The following ZNF263 variants were observed in gnomAD, a reference collection of about 807,000 sequenced individuals.
ZNF263 encodes zinc finger protein FPM315.
A neutral mutation model predicts 63.1 loss-of-function variants in ZNF263; 49 were observed. That is an observed-to-expected ratio of 0.78 (90% CI 0.62 to 0.99). ZNF263 has a LOEUF of 0.99. ZNF263 is among the 50% of genes least tolerant of loss of function. The pLI is 0.00. For missense variants in ZNF263, 872 were observed against 854.8 expected, an observed-to-expected ratio of 1.02 and a Z score of -0.25; for synonymous variants, 352 against 324.2, an observed-to-expected ratio of 1.09 and a Z score of -0.92.
downstream of ZNF263, among the ~76,000 whole-genome samples, chr16:3,292,034 A>G (rs746784199): frequency 3.3e-5 from 5 of 152,262 alleles, no homozygotes; most frequent in Middle Eastern, 6.8e-3. Flanking sequence ...TGGCCTCTCA[A>G]AGTGCTGGGA....
chr16:3,292,538 G>A (rs1959639720), downstream of ZNF263, among the ~76,000 whole-genome samples: 1 of 152,180 alleles, frequency 6.6e-6, no homozygotes, highest in South Asian at 2.1e-4. Flanking sequence ...GGCTGCTGAT[G>A]TCATGAATTG....
chr16:3,300,497 A>T, intron 2 of ZNF263: 1 of 1,614,012 alleles, frequency 6.2e-7, no homozygotes, highest in East Asian at 2.2e-5. Flanking sequence ...TAAAATGTTG[A>T]CTTACTGATT....
intron 4 of ZNF263, among the ~76,000 whole-genome samples, chr16:3,287,204 G>A (rs1000455546): frequency 1.3e-5 from 2 of 152,088 alleles, no homozygotes; most frequent in African/African-American, 4.8e-5. Flanking sequence ...TCTGCCTCCC[G>A]GGTTCAAGTG....
Position 3,283,959 on chromosome 16 carries a change from C to T in ZNF263, c.141C>T (p.Phe47=), listed in dbSNP as rs780130191. The part of the protein sequence containing the change: ...PEASHLRFRR[F]RFQEAAGPRE... ...CCTCCCACTTGCGCTTCAGACGGTT[C>T]CGCTTCCAAGAGGCAGCTGGTCCCC... The change falls in exon 1 of 6, where the codon TTC becomes TTT. Residue 47 remains phenylalanine (F), a synonymous_variant. Coordinates refer to ENST00000219069, the MANE Select transcript of ZNF263 (RefSeq NM_005741.5). The T allele has an allele frequency of 6.8e-6, 11 of 1,613,952 alleles. No individual in the cohort carries two copies. The highest frequency in any genetic ancestry group is 1.1e-5 in the South Asian group (1 of 91,080).
downstream of ZNF263, among the ~76,000 whole-genome samples, chr16:3,293,927 T>TTTG (rs1711786678): frequency 6.6e-6 from 1 of 152,202 alleles, no homozygotes; most frequent in Admixed American, 6.5e-5. Flanking sequence ...TCAGCACTTT[T>TTTG]TTGTTTTGTT....
chr16:3,283,576 G>C lies in ZNF263; in HGVS notation c.-243G>C. ...ATATAGGGTGAGAAGCGTGGCGCTC[G>C]GTTCCTGCCTCGGGGAAGTCCTGGC... On this transcript the variant is annotated 5_prime_UTR_variant, in exon 1 of 6. Coordinates refer to ENST00000219069, the MANE Select transcript of ZNF263 (RefSeq NM_005741.5). The C allele has an allele frequency of 2.4e-6, 1 of 417,796 alleles. No homozygotes were observed. Among genetic ancestry groups the C allele is most frequent in the East Asian group, 4.0e-5 (1 of 25,050 alleles). The allele number at this position is 417,796 out of a possible 1,614,324, so 25.9% of individuals were successfully genotyped here.
intron 1 of ZNF263, among the ~76,000 whole-genome samples, 193 bp from the exon 2 acceptor site, chr16:3,284,866 G>A (rs553588598): frequency 4.3e-4 from 65 of 152,286 alleles, no homozygotes; most frequent in African/African-American, 1.5e-3. Context: ...TGCTCTGGGA[G>A]TGGGCCCTTT....
In ZNF263 at chr16:3,299,558, T is replaced by G. The variant is rs767480871; in HGVS notation, c.*46+402T>G. The G allele has an allele frequency of 1.4e-5, 21 of 1,532,646 alleles. 1 individual carries two copies. The South Asian group carries it at 2.6e-4, about 19-fold the overall frequency. The allele number at this position is 1,532,646 out of a possible 1,614,324, so 94.9% of individuals were successfully genotyped here. On this transcript the variant is annotated intron_variant, in intron 2 of 2. Coordinates refer to the ZNF263 transcript ENST00000574674. ...TGCTCATCATCACTTTCTTCAAATA[T>G]TACAAGACTCTCTTCAAGTTGCTTC...
In ZNF263 at chr16:3,290,061, A is replaced by C; in HGVS notation, c.1555A>C (p.Lys519Gln). 1 of 1,614,034 alleles carries C rather than the reference A, an allele frequency of 6.2e-7. No individual in the cohort carries two copies. The highest frequency in any genetic ancestry group is 8.5e-7 in the Non-Finnish European group (1 of 1,179,996). Residue 519 changes from lysine (K) to glutamine (Q), a missense_variant, in exon 6 of 6, where the codon AAG becomes CAG. Physicochemically the swap from Lys to Gln is moderately conservative, Grantham distance 53 (BLOSUM62 1). Transcript: ENST00000219069. ...AATTCACACTGGAGAGCGACCTTAT[A>C]AGTGTCCCGAGTGTGGGAAAAGTTT... ...QRIHTGERPY[K>Q]CPECGKSFSR...
At position 3,290,152 on chromosome 16, in the gene ZNF263, C is replaced by T. The variant is rs748715975; in HGVS notation, c.1646C>T (p.Ser549Phe). 1.2e-6 allele frequency: 2 copies of T among 1,614,178 alleles called. No homozygotes were observed. Among genetic ancestry groups the T allele is most frequent in the Admixed American group, 1.7e-5 (1 of 60,024 alleles). ...THERERLYPF[S>F]ECGEAVSDST... ...GAGAGAGAGAGACTTTACCCCTTCT[C>T]TGAGTGTGGGGAAGCTGTGAGTGAC... Residue 549 changes from serine to phenylalanine, a missense_variant, in exon 6 of 6, where the codon TCT (serine) becomes TTT (phenylalanine). By Grantham distance (155) the Ser-to-Phe change is radical. Coordinates refer to ENST00000219069, the MANE Select transcript of ZNF263 (RefSeq NM_005741.5).
At chr16:3,288,993 A>G (rs1959492412) in intron 5 of ZNF263, among the ~76,000 whole-genome samples, 1 of 152,060 alleles carries the variant, frequency 6.6e-6, no homozygotes, top group Non-Finnish European at 1.5e-5. Flanking sequence ...CACAGCTGCT[A>G]GAGAGGTACA....
rs992403260 is a variant in ZNF263 at position 3,290,792 on chromosome 16, C to T, written c.*234C>T. The stretch of plus-strand genomic sequence containing the variant: ...TGAGGTGACCTCAGGGTGGAATTCT[C>T]TGTTAAGTCCACCCTGCCCCAGGGT... On this transcript the variant is annotated 3_prime_UTR_variant, in exon 6 of 6. Coordinates refer to ENST00000219069, the MANE Select transcript of ZNF263 (RefSeq NM_005741.5). 1 of 1,321,208 alleles carries T rather than the reference C, an allele frequency of 7.6e-7. No homozygotes were observed. The highest frequency in any genetic ancestry group is 3.0e-5 in the East Asian group (1 of 33,212). 81.8% of individuals were successfully genotyped at this position (1,321,208 alleles called of 1,614,324 possible). A position where few individuals can be genotyped will look rare whatever the true frequency, so the allele number is the denominator to read the frequency against.
chr16:3,290,530 T>C lies in ZNF263; in HGVS notation c.2024T>C (p.Met675Thr), dbSNP rs909727853. 4.3e-6 allele frequency: 7 copies of C among 1,613,064 alleles called. No individual in the cohort carries two copies. The African/African-American group carries it at 5.3e-5, about 12-fold the overall frequency. The change falls in exon 6 of 6, where the codon ATG becomes ACG. Residue 675 changes from methionine to threonine, a missense_variant. Coordinates refer to ENST00000219069, the MANE Select transcript of ZNF263 (RefSeq NM_005741.5). ...GESFSRSSRL[M>T]SHQRTHTG ...AGCTTCTCTCGGAGTTCCCGTCTTATGAGTCATCAGAGAACTCACACAGGT... is the reference window on the plus strand; with the variant it reads ...AGCTTCTCTCGGAGTTCCCGTCTTACGAGTCATCAGAGAACTCACACAGGT...
At chr16:3,295,248 C>T (rs75306084), downstream of ZNF263, among the ~76,000 whole-genome samples, 4,848 of 152,228 alleles carry the variant, frequency 0.032, 295 homozygotes, top group African/African-American at 0.11. Flanking sequence ...GTCGGCTCTG[C>T]CCCCAGAAGC....
At chr16:3,288,026 C>A (rs542320287) in intron 4 of ZNF263, among the ~76,000 whole-genome samples, 1 of 151,270 alleles carries the variant, frequency 6.6e-6, no homozygotes, top group South Asian at 2.1e-4. Context: ...CCGAGGCAGG[C>A]AGATCACTTG....
chr16:3,295,394 TC>T (rs957334393), downstream of ZNF263, among the ~76,000 whole-genome samples: 17 of 151,860 alleles, frequency 1.1e-4, no homozygotes, highest in African/African-American at 3.6e-4. Flanking sequence ...GCCCCTCCCC[TC>T]CCTTCCAGCG....
Position 3,300,686 on chromosome 16 carries a change from A to AC in ZNF263, c.*47-224dup, listed in dbSNP as rs113854375. 1.1e-5 allele frequency: 16 copies of AC among 1,511,086 alleles called. No homozygotes were observed. The African/African-American group carries it at 1.7e-4, about 16-fold the overall frequency. The allele number at this position is 1,511,086 out of a possible 1,614,324, so 93.6% of individuals were successfully genotyped here. On this transcript the variant is annotated intron_variant, in intron 2 of 2. Transcript: ENST00000574674. ...GCCTTAATGAATTGGCAAAAAAAAA[A>AC]CCCACATTTTTTAAACAAAACTTAG... is the stretch of plus-strand genomic sequence containing the variant.
Position 3,283,678 on chromosome 16 carries a change from G to A in ZNF263, c.-141G>A. On this transcript the variant is annotated 5_prime_UTR_variant, in exon 1 of 6. Coordinates refer to ENST00000219069, the MANE Select transcript of ZNF263 (RefSeq NM_005741.5). The stretch of plus-strand genomic sequence containing the variant: ...AGGCGCCGGAGCCGGCCGCGCCTGG[G>A]CTGGAGCGGGGCTCCTCGGCCTGGA... The A allele has an allele frequency of 7.6e-7, 1 of 1,308,150 alleles. No individual in the cohort carries two copies. The highest frequency in any genetic ancestry group is 3.6e-5 in the Admixed American group (1 of 27,514). The allele number at this position is 1,308,150 out of a possible 1,614,324, so 81.0% of individuals were successfully genotyped here. A position where few individuals can be genotyped will look rare whatever the true frequency, so the allele number is the denominator to read the frequency against.
intron 1 of ZNF263, among the ~76,000 whole-genome samples, chr16:3,297,456 CTTTTTTTTT>C (rs1168352573): frequency 1.6e-4 from 12 of 76,470 alleles, no homozygotes; most frequent in Middle Eastern, 0.01. Context: ...GAAACAGATT[CTTTTTTTTT>C]TTTTTTTTTT....
Sources: allele counts gnomAD v4.1 joint callset (sites outside exome capture counted in the v4.1 genomes callset), GRCh38; gene constraint gnomAD v4.1.1; transcripts MANE v1.5; gene names NCBI Gene and HGNC (gene_info 2026-07-23, HGNC 2026-07-21).